Variants in FRMPD4 observed in about 807,000 individuals in gnomAD.
FRMPD4 encodes the protein FERM and PDZ domain containing 4.
Under a neutral mutation model 94.1 loss-of-function variants are expected in FRMPD4, and 22 were observed. The ratio of observed to expected loss-of-function variants is 0.23; its 90% confidence interval spans 0.17 to 0.33. FRMPD4 has a LOEUF of 0.33. Ranked by LOEUF, FRMPD4 falls within the 10% of genes least tolerant of loss-of-function variation. The pLI is 1.00. For missense variants in FRMPD4, 1,111 were observed against 1,339.9 expected (o/e 0.83, Z 2.67); for synonymous variants, 631 against 548.6 (o/e 1.15, Z -2.10).
At chrX:12,621,467 A>G (rs1432228906) in intron 4 of FRMPD4, among the ~76,000 whole-genome samples, 1 of 102,740 alleles carries the variant, frequency 9.7e-6, no homozygotes, top group Non-Finnish European at 2.0e-5. Context: ...AGTGGGATAC[A>G]AGAGAACACA....
At chrX:12,594,986 C>T (rs138891714) in intron 2 of FRMPD4, among the ~76,000 whole-genome samples, 1,392 of 111,673 alleles carry the variant, frequency 0.012, 23 homozygotes, top group African/African-American at 0.043. Flanking sequence ...CTCATAGGTT[C>T]GTTGTGAAAA....
At chrX:12,278,704 T>G in intron 1 of FRMPD4, among the ~76,000 whole-genome samples, 1 of 111,265 alleles carries the variant, frequency 9.0e-6, no homozygotes, top group Non-Finnish European at 1.9e-5. Context: ...GAACACAGCT[T>G]CTTTGGTTCT....
At chrX:12,052,362 T>C (rs980553791) in intron 3 of FRMPD4, among the ~76,000 whole-genome samples, 1 of 112,035 alleles carries the variant, frequency 8.9e-6, no homozygotes, top group African/African-American at 3.2e-5. Context: ...CTAACCAACA[T>C]ATCCAAGAAA....
chrX:12,579,513 C>G (rs1392259227), intron 2 of FRMPD4, among the ~76,000 whole-genome samples: 1 of 112,103 alleles, frequency 8.9e-6, no homozygotes, highest in Non-Finnish European at 1.9e-5. Flanking sequence ...TGTGGTCCCC[C>G]AGTGGAGCCC....
chrX:12,664,609 ATT>A (rs1442041326), intron 4 of FRMPD4, among the ~76,000 whole-genome samples: 4 of 111,835 alleles, frequency 3.6e-5, no homozygotes, highest in Non-Finnish European at 7.5e-5. Flanking sequence ...GTTTGCTAGT[ATT>A]TTATTGAGGA....
chrX:12,089,560 A>G (rs1460785503), intron 3 of FRMPD4, among the ~76,000 whole-genome samples: 1 of 111,984 alleles, frequency 8.9e-6, no homozygotes, highest in East Asian at 2.8e-4. Context: ...AATGTAGTTG[A>G]GTATCTTTTC....
At chrX:12,639,562 T>C (rs752952334) in intron 4 of FRMPD4, among the ~76,000 whole-genome samples, 11 of 112,343 alleles carry the variant, frequency 9.8e-5, no homozygotes, top group Non-Finnish European at 1.5e-4. Context: ...ATTGTAAACG[T>C]TGAAAATTTT....
chrX:12,061,657 A>G, intron 3 of FRMPD4, among the ~76,000 whole-genome samples: 1 of 112,243 alleles, frequency 8.9e-6, no homozygotes, highest in Non-Finnish European at 1.9e-5. Flanking sequence ...CACATGCTAA[A>G]GGCAGGTGAT....
At chrX:12,170,587 C>G (rs944474192) in intron 1 of FRMPD4, among the ~76,000 whole-genome samples, 2 of 112,340 alleles carry the variant, frequency 1.8e-5, no homozygotes, top group African/African-American at 6.5e-5. Context: ...GAATAGGTGA[C>G]TTTTTACCAC....
intron 3 of FRMPD4, among the ~76,000 whole-genome samples, chrX:11,985,954 G>A (rs2054427179): frequency 8.9e-6 from 1 of 112,429 alleles, no homozygotes; most frequent in Non-Finnish European, 1.9e-5. Flanking sequence ...GACTTGCCTG[G>A]GGCCTGGGGG....
At chrX:12,061,383 G>A (rs2054885342) in intron 3 of FRMPD4, among the ~76,000 whole-genome samples, 1 of 111,674 alleles carries the variant, frequency 9.0e-6, no homozygotes, top group Non-Finnish European at 1.9e-5. Flanking sequence ...TCTGTTTTCA[G>A]GGCTTCTCTG....
intron 3 of FRMPD4, among the ~76,000 whole-genome samples, chrX:11,975,298 C>A (rs1193078791): frequency 8.9e-6 from 1 of 112,416 alleles, no homozygotes; most frequent in African/African-American, 3.2e-5. Context: ...ATAAAGCATG[C>A]TATCAGGAAA....
chrX:11,941,060 G>A (rs1947325661), intron 3 of FRMPD4, among the ~76,000 whole-genome samples: 1 of 32,987 alleles, frequency 3.0e-5, no homozygotes, highest in Non-Finnish European at 6.3e-5. Flanking sequence ...TTCCAGGTGC[G>A]TCCGTCACCC....
At chrX:11,893,654 C>A (rs982893998) in intron 3 of FRMPD4, among the ~76,000 whole-genome samples, 4 of 111,930 alleles carry the variant, frequency 3.6e-5, no homozygotes, top group African/African-American at 1.3e-4. Flanking sequence ...GCAATAATCA[C>A]AATTACTGAA....
chrX:12,597,899 G>A (rs750752715), intron 2 of FRMPD4, among the ~76,000 whole-genome samples: 1 of 112,161 alleles, frequency 8.9e-6, no homozygotes, highest in Non-Finnish European at 1.9e-5. Context: ...TCTCAGTTGA[G>A]ATAAAAAGAG....
At position 11,974,939 on chromosome X, in the gene FRMPD4, C is replaced by G. The variant is rs961382557; in HGVS notation, c.95+96921C>G. Among the ~76,000 whole-genome samples the G allele has an allele frequency of 2.7e-5, 3 of 111,366 alleles. No individual in the cohort carries two copies. In the Admixed American group the frequency reaches 2.8e-4, roughly 11 times the overall value. ...AGAGTGAGAAGGGTTAATGGAGGAG[C>G]CCTGGTTTTCCTGATATGCTAGGGC... is the stretch of plus-strand genomic sequence containing the variant. On this transcript the variant is annotated intron_variant, in intron 3 of 18. Transcript: ENST00000640291.
intron 1 of FRMPD4, among the ~76,000 whole-genome samples, chrX:12,250,530 C>T (rs2054024202): frequency 9.0e-6 from 1 of 111,533 alleles, no homozygotes; most frequent in African/African-American, 3.3e-5. Context: ...TAAAATTCAC[C>T]GCTGATGCAC....
chrX:12,715,998 G>GGCGGGGGGCC, intron 14 of FRMPD4, 71 bp from the exon 15 acceptor site: 1 of 383,858 alleles, frequency 2.6e-6, no homozygotes. Context: ...ACAGAGACGA[G>GGCGGGGGGCC]CCTCCCACCC....
chrX:12,573,190 C>T (rs767273064), intron 2 of FRMPD4, among the ~76,000 whole-genome samples: 2 of 111,879 alleles, frequency 1.8e-5, no homozygotes, highest in South Asian at 3.7e-4. Context: ...TAGTTCTTAA[C>T]GTAATTGAGG....
Sources: allele counts gnomAD v4.1 joint callset (sites outside exome capture counted in the v4.1 genomes callset), GRCh38; gene constraint gnomAD v4.1.1; transcripts MANE v1.5; gene names NCBI Gene and HGNC (gene_info 2026-07-23, HGNC 2026-07-21).